The following AIG1 variants were observed in gnomAD, a reference collection of about 807,000 sequenced individuals.
The protein encoded by AIG1 is androgen induced 1.
AIG1 carries 23 observed loss-of-function variants against 31.4 expected under a neutral mutation model. The observed-to-expected ratio is 0.73, with a 90% CI of 0.53 to 1.04. The LOEUF is 1.04. AIG1 is among the 50% of genes least tolerant of loss of function. The pLI, the probability that AIG1 is intolerant of heterozygous loss-of-function variation, is 0.00. For synonymous variants in AIG1, 100 were observed against 110.5 expected, an observed-to-expected ratio of 0.90 and a Z score of 0.60; for missense variants, 274 against 295.0, an observed-to-expected ratio of 0.93 and a Z score of 0.52.
intron 1 of AIG1, among the ~76,000 whole-genome samples, chr6:143,094,510 C>T (rs778892692): frequency 2.0e-5 from 3 of 152,052 alleles, no homozygotes; most frequent in African/African-American, 4.8e-5. Flanking sequence ...GAGAACCAGC[C>T]GGTGAGTAGG....
At chr6:143,167,144 C>T (rs1427640897) in intron 3 of AIG1, among the ~76,000 whole-genome samples, 1 of 152,162 alleles carries the variant, frequency 6.6e-6, no homozygotes, top group Non-Finnish European at 1.5e-5. Context: ...TTCCTGATCT[C>T]CAAGAGCTGA....
rs200306203 is a variant in AIG1, at chr6:143,137,034, C to T, written c.297+44C>T. On this transcript the variant is annotated intron_variant, in intron 2 of 5. Transcript: ENST00000357847. Reference sequence around the variant, plus strand: ...GCATTTAGCCACAAAAGAAACTTGGCTCTTATTTCAGACTTCTAAGAGAAA... The same window carrying T: ...GCATTTAGCCACAAAAGAAACTTGGTTCTTATTTCAGACTTCTAAGAGAAA... The T allele has an allele frequency of 2.3e-6, 3 of 1,323,630 alleles. No homozygotes were observed. The East Asian group carries it at 8.3e-5, about 37-fold the overall frequency. The allele number at this position is 1,323,630 out of a possible 1,614,324, so 82.0% of individuals were successfully genotyped here.
chr6:143,147,521 C>T (rs1261517173), intron 2 of AIG1, among the ~76,000 whole-genome samples: 1 of 152,188 alleles, frequency 6.6e-6, no homozygotes, highest in African/African-American at 2.4e-5. Context: ...AGACTCCGCA[C>T]TCCCTTGGCC....
intron 4 of AIG1, among the ~76,000 whole-genome samples, chr6:143,302,692 C>T (rs1316349577): frequency 1.3e-5 from 2 of 152,152 alleles, no homozygotes; most frequent in Admixed American, 1.3e-4. Flanking sequence ...CATACGTGTG[C>T]ATGTGTCTTT....
chr6:143,283,284 A>G lies in AIG1; in HGVS notation c.400-826A>G, dbSNP rs999054911. On this transcript the variant is annotated intron_variant, in intron 3 of 5. Transcript: ENST00000357847. ...ATCACTGAATCAGAAAAACAAAAAG[A>G]TGTTCTACTCAGCTTCTTGGGATTC... is the stretch of plus-strand genomic sequence containing the variant. 3.7e-4 allele frequency among the ~76,000 whole-genome samples: 56 copies of G among 152,188 alleles called. 1 individual carries two copies. The highest frequency in any genetic ancestry group is 5.9e-5 in the Non-Finnish European group (4 of 68,034).
At chr6:143,271,842 T>C (rs959564453) in intron 3 of AIG1, among the ~76,000 whole-genome samples, 4 of 143,246 alleles carry the variant, frequency 2.8e-5, no homozygotes, top group Admixed American at 6.8e-5. Flanking sequence ...AATATATCTT[T>C]CAGTTTGCTT....
chr6:143,343,101 T>A, downstream of AIG1: 1 of 772,364 alleles, frequency 1.3e-6, no homozygotes, highest in Non-Finnish European at 2.4e-6. Context: ...TCCTCGCAGC[T>A]GTCCGCACTA....
chr6:143,105,047 G>T (rs1230021787), intron 1 of AIG1, among the ~76,000 whole-genome samples: 1 of 152,200 alleles, frequency 6.6e-6, no homozygotes, highest in African/African-American at 2.4e-5. Context: ...AAGATCTCAT[G>T]ATTCCTCCCA....
intron 3 of AIG1, among the ~76,000 whole-genome samples, chr6:143,221,405 G>A (rs546869078): frequency 6.6e-6 from 1 of 151,666 alleles, no homozygotes; most frequent in South Asian, 2.1e-4. Context: ...GCTTTTGAGA[G>A]CATTTTAGTC....
intron 3 of AIG1, among the ~76,000 whole-genome samples, chr6:143,206,037 AT>A (rs983589657): frequency 6.6e-6 from 1 of 152,228 alleles, no homozygotes; most frequent in Non-Finnish European, 1.5e-5. Context: ...CCAAGGTATT[AT>A]GACTGTGTTG....
At chr6:143,146,023 A>G (rs1562424888) in intron 2 of AIG1, among the ~76,000 whole-genome samples, 2 of 152,212 alleles carry the variant, frequency 1.3e-5, no homozygotes, top group Non-Finnish European at 2.9e-5. Context: ...ATTTGATGAA[A>G]TGGTTTAATT....
At chr6:143,096,007 A>G (rs1268498460) in intron 1 of AIG1, among the ~76,000 whole-genome samples, 1 of 150,420 alleles carries the variant, frequency 6.6e-6, no homozygotes. Flanking sequence ...CCTGTGTTCA[A>G]GCTATTCTCC....
At chr6:143,318,635 A>C (rs1205364885) in intron 4 of AIG1, among the ~76,000 whole-genome samples, 1 of 152,154 alleles carries the variant, frequency 6.6e-6, no homozygotes, top group Non-Finnish European at 1.5e-5. Flanking sequence ...AATAGATGAA[A>C]CTTAAACTGA....
chr6:143,133,807 T>A (rs1341979405), intron 1 of AIG1, among the ~76,000 whole-genome samples: 6 of 152,080 alleles, frequency 3.9e-5, no homozygotes, highest in Non-Finnish European at 8.8e-5. Context: ...ACCAGAACTT[T>A]CTTTCTTGGA....
At chr6:143,132,267 T>A (rs189366943) in intron 1 of AIG1, among the ~76,000 whole-genome samples, 1 of 152,330 alleles carries the variant, frequency 6.6e-6, no homozygotes, top group Admixed American at 6.5e-5. Context: ...ATATGTGATA[T>A]CATTTCTTCA....
chr6:143,336,643 C>G (rs1365456257), intron 5 of AIG1, among the ~76,000 whole-genome samples: 1 of 152,200 alleles, frequency 6.6e-6, no homozygotes, highest in African/African-American at 2.4e-5. Flanking sequence ...ATACTTCACT[C>G]TCTCCCCACC....
chr6:143,212,825 C>G (rs1023136569), intron 3 of AIG1, among the ~76,000 whole-genome samples: 1 of 152,130 alleles, frequency 6.6e-6, no homozygotes, highest in Admixed American at 6.5e-5. Flanking sequence ...GGCTGACAAA[C>G]AGAAAGCAGA....
intron 3 of AIG1, among the ~76,000 whole-genome samples, chr6:143,196,392 CACA>C (rs1562481218): frequency 3.6e-5 from 5 of 140,310 alleles, no homozygotes; most frequent in Admixed American, 1.4e-4. Context: ...CACACACACA[CACA>C]CCCCAATTTG....
intron 3 of AIG1, among the ~76,000 whole-genome samples, chr6:143,233,214 C>T (rs183256565): frequency 4.6e-5 from 7 of 152,212 alleles, no homozygotes; most frequent in East Asian, 1.9e-4. Context: ...CTTGGGGGCA[C>T]GGACCATCAG....
Sources: allele counts gnomAD v4.1 joint callset (sites outside exome capture counted in the v4.1 genomes callset), GRCh38; gene constraint gnomAD v4.1.1; transcripts MANE v1.5; gene names NCBI Gene and HGNC (gene_info 2026-07-23, HGNC 2026-07-21).